Variants in ME2 observed in about 807,000 individuals in gnomAD.
ME2 encodes malic enzyme 2.
In ME2, 60 loss-of-function variants were observed where a neutral mutation model predicts 73.7. The observed-to-expected ratio is 0.81, with a 90% confidence interval of 0.66 to 1.01. The LOEUF is 1.01. Among genes scored for constraint, ME2 ranks in the 50% least tolerant of loss-of-function variants. The pLI, the probability that ME2 is intolerant of heterozygous loss-of-function variation, is 0.00. For synonymous variants in ME2, 199 were observed against 236.9 expected, an observed-to-expected ratio of 0.84 and a Z score of 1.47; for missense variants, 594 against 705.5, an observed-to-expected ratio of 0.84 and a Z score of 1.79.
chr18:50,915,366 G>C (rs1599106442), intron 4 of ME2: 1 of 152,084 alleles, frequency 6.6e-6, no homozygotes. Context: ...ATGGTGGCGG[G>C]CATGTAAAAT....
At chr18:50,903,959 G>A (rs979213695) in intron 2 of ME2, among the ~76,000 whole-genome samples, 7 of 152,168 alleles carry the variant, frequency 4.6e-5, no homozygotes, top group Middle Eastern at 6.8e-3. Flanking sequence ...ATTGAAAGTG[G>A]GTATTAAAGT....
intron 2 of ME2, among the ~76,000 whole-genome samples, chr18:50,902,871 C>T (rs1599096761): frequency 6.6e-6 from 1 of 152,044 alleles, no homozygotes; most frequent in Non-Finnish European, 1.5e-5. Context: ...GTGTAGTAGC[C>T]TTTGGATTTG....
chr18:50,912,550 G>A (rs1917181135), intron 3 of ME2, among the ~76,000 whole-genome samples: 1 of 152,114 alleles, frequency 6.6e-6, no homozygotes, highest in Non-Finnish European at 1.5e-5. Context: ...CACAGTTAGG[G>A]TTCAGTAAAC....
Position 50,952,215 on chromosome 18 carries a change from T to C in ME2, c.*5031T>C, listed in dbSNP as rs960618437. On this transcript the variant is annotated 3_prime_UTR_variant, in exon 16 of 16. Transcript: ENST00000321341. ...TAAAAAGTTCACAGCAATTTGACCA[T>C]AGAAAACTTTCTCATCTGAAATCAG... 6.6e-6 allele frequency: 1 copy of C among 152,184 alleles called. No individual in the cohort carries two copies. Among genetic ancestry groups the C allele is most frequent in the Non-Finnish European group, 1.5e-5 (1 of 68,026 alleles). 9.4% of individuals were successfully genotyped at this position (152,184 alleles called of 1,614,324 possible).
chr18:50,908,940 CT>C (rs1206353158), intron 3 of ME2, among the ~76,000 whole-genome samples: 2 of 129,590 alleles, frequency 1.5e-5, no homozygotes, highest in African/African-American at 6.0e-5. Context: ...TGCGCCTGGA[CT>C]TTTTCTTTTC....
chr18:50,902,031 CA>C (rs1916903486), intron 2 of ME2, among the ~76,000 whole-genome samples: 1 of 152,142 alleles, frequency 6.6e-6, no homozygotes, highest in Non-Finnish European at 1.5e-5. Flanking sequence ...TAATTTATTT[CA>C]GCCAAATTCA....
chr18:50,910,430 C>G (rs1386068806), intron 3 of ME2, among the ~76,000 whole-genome samples: 1 of 148,532 alleles, frequency 6.7e-6, no homozygotes, highest in African/African-American at 2.5e-5. Flanking sequence ...CAGAGTGAGA[C>G]CCTGTCTCAG....
At chr18:50,904,104 T>C (rs1249507677) in intron 2 of ME2, among the ~76,000 whole-genome samples, 5 of 152,214 alleles carry the variant, frequency 3.3e-5, no homozygotes, top group Non-Finnish European at 7.3e-5. Context: ...CATTGTAAAA[T>C]GTCCTCTGTA....
intron 14 of ME2, 73 bp downstream of exon 14, chr18:50,939,713 A>G: frequency 9.5e-7 from 1 of 1,052,392 alleles, no homozygotes; most frequent in Non-Finnish European, 1.5e-6. Context: ...AATTAAAGGC[A>G]GAGAGAGAAT....
intron 7 of ME2, among the ~76,000 whole-genome samples, chr18:50,919,190 C>T (rs941079068): frequency 6.6e-6 from 1 of 152,148 alleles, no homozygotes; most frequent in African/African-American, 2.4e-5. Context: ...AGTTTCTCTC[C>T]TCTCCAGTTC....
intron 3 of ME2, among the ~76,000 whole-genome samples, chr18:50,908,902 A>G (rs887248890): frequency 4.0e-5 from 6 of 151,414 alleles, no homozygotes; most frequent in Admixed American, 2.0e-4. Context: ...CAGCCTCCCA[A>G]AGTGCTGGGA....
At chr18:50,906,433 C>T (rs937092434) in intron 2 of ME2, among the ~76,000 whole-genome samples, 1 of 152,118 alleles carries the variant, frequency 6.6e-6, no homozygotes, top group Non-Finnish European at 1.5e-5. Context: ...CTGTCTCAGC[C>T]CCCCGAGTAG....
At chr18:50,911,876 A>G (rs759549381) in intron 3 of ME2, among the ~76,000 whole-genome samples, 1 of 152,164 alleles carries the variant, frequency 6.6e-6, no homozygotes, top group Non-Finnish European at 1.5e-5. Flanking sequence ...TTTTTAAGAG[A>G]AGAATGAATT....
chr18:50,891,456 T>C (rs1327557023), intron 1 of ME2, among the ~76,000 whole-genome samples: 2 of 152,162 alleles, frequency 1.3e-5, no homozygotes, highest in African/African-American at 2.4e-5. Context: ...TTCATAGGTC[T>C]CTGAAAAGAT....
rs1918276881 is a variant in ME2 at position 50,954,202 on chromosome 18, T to C, written c.*7018T>C. The C allele has an allele frequency of 6.6e-6, 1 of 152,242 alleles. No homozygotes were observed. Among genetic ancestry groups the C allele is most frequent in the Admixed American group, 6.5e-5 (1 of 15,290 alleles). 9.4% of individuals were successfully genotyped at this position (152,242 alleles called of 1,614,324 possible). A position where few individuals can be genotyped will look rare whatever the true frequency, so the allele number is the denominator to read the frequency against. ...ATTATTTTTTCTCTGTTGTGATATG[T>C]TGTAATGAGATGTGTGTTCTTATAT... On this transcript the variant is annotated 3_prime_UTR_variant, in exon 16 of 16. Transcript: ENST00000321341.
At chr18:50,946,549 C>T (rs1918087912) in intron 15 of ME2, among the ~76,000 whole-genome samples, 1 of 152,194 alleles carries the variant, frequency 6.6e-6, no homozygotes, top group Non-Finnish European at 1.5e-5. Flanking sequence ...GTCAGTTCCC[C>T]TGTATAGGTT....
chr18:50,901,908 T>C (rs900123456), intron 2 of ME2, among the ~76,000 whole-genome samples: 2 of 152,240 alleles, frequency 1.3e-5, no homozygotes, highest in African/African-American at 4.8e-5. Context: ...TAACTCCTGC[T>C]ATCTACGTTT....
In ME2 at chr18:50,938,331, A is replaced by T. The variant is rs905545402; in HGVS notation, c.1418-1239A>T. 9.2e-5 allele frequency among the ~76,000 whole-genome samples: 14 copies of T among 151,896 alleles called. 1 individual carries two copies. The highest frequency in any genetic ancestry group is 2.1e-4 in the South Asian group (1 of 4,802). On this transcript the variant is annotated intron_variant, in intron 13 of 15. Coordinates refer to ENST00000321341, the MANE Select transcript of ME2 (RefSeq NM_002396.5). ...AGAGCGAGACCCTGTTGCCAAAAAAATTTTTTTTTAAAAGGGATCCTACAT... is the reference window on the plus strand; with the variant it reads ...AGAGCGAGACCCTGTTGCCAAAAAATTTTTTTTTTAAAAGGGATCCTACAT...
intron 3 of ME2, among the ~76,000 whole-genome samples, chr18:50,910,211 C>T (rs1316305367): frequency 7.4e-6 from 1 of 134,240 alleles, no homozygotes; most frequent in Non-Finnish European, 1.5e-5. Context: ...GTGGGAGGAT[C>T]ACTTGAGCCC....
Sources: gnomAD v4.1 joint callset for allele counts (sites outside exome capture counted in the v4.1 genomes callset) on GRCh38, gnomAD v4.1.1 for gene constraint, MANE v1.5 for transcripts, NCBI Gene and HGNC (gene_info 2026-07-23, HGNC 2026-07-21) for gene names.